The following CTNNA3 variants were observed in gnomAD, a reference collection of about 807,000 sequenced individuals.
The protein encoded by CTNNA3 is catenin alpha 3.
A neutral mutation model predicts 95.7 loss-of-function variants in CTNNA3; 76 were observed. The observed-to-expected ratio is 0.79, with a 90% CI of 0.66 to 0.96. The LOEUF (loss-of-function observed/expected upper bound fraction) is 0.96. CTNNA3 is among the 40% of genes least tolerant of loss of function. CTNNA3 has a pLI of 0.00. For synonymous variants in CTNNA3, 431 were observed against 374.4 expected, an observed-to-expected ratio of 1.15 and a Z score of -1.74; for missense variants, 1,191 against 1,089.8, an observed-to-expected ratio of 1.09 and a Z score of -1.31.
intron 13 of CTNNA3, among the ~76,000 whole-genome samples, chr10:66,177,130 C>G (rs1386949563): frequency 6.6e-6 from 1 of 152,026 alleles, no homozygotes; most frequent in Non-Finnish European, 1.5e-5. Context: ...CTGCTGAAAA[C>G]CTGAATGTTT....
intron 17 of CTNNA3, among the ~76,000 whole-genome samples, chr10:65,940,242 G>T (rs1201982513): frequency 6.6e-6 from 1 of 152,152 alleles, no homozygotes; most frequent in African/African-American, 2.4e-5. Flanking sequence ...TAAGCCACAA[G>T]AAATTTTAAA....
At chr10:66,113,881 C>T (rs1249770157) in intron 13 of CTNNA3, among the ~76,000 whole-genome samples, 2 of 152,056 alleles carry the variant, frequency 1.3e-5, no homozygotes, top group Non-Finnish European at 2.9e-5. Flanking sequence ...ACAGCAATTG[C>T]TGATGCCATT....
intron 7 of CTNNA3, among the ~76,000 whole-genome samples, chr10:66,870,998 C>T (rs960013537): frequency 1.3e-5 from 2 of 152,154 alleles, no homozygotes; most frequent in South Asian, 2.1e-4. Flanking sequence ...CTGACTTCTA[C>T]ATTTCAATAA....
rs78185749 is a variant in CTNNA3 at position 67,490,109 on chromosome 10, A to C, written c.579+31733T>G. 5.5e-4 allele frequency among the ~76,000 whole-genome samples: 84 copies of C among 152,276 alleles called. No individual in the cohort carries two copies. In the East Asian group the frequency reaches 0.015, roughly 28 times the overall value. ...TTCCATTGCCCATGTTCTAATCTGA[A>C]TTCATCCAAGAGTGAAACTGATGCG... On this transcript the variant is annotated intron_variant, in intron 5 of 17. Transcript: ENST00000433211.
At chr10:67,717,791 G>A (rs552381743) in intron 1 of CTNNA3, among the ~76,000 whole-genome samples, 64 of 152,248 alleles carry the variant, frequency 4.2e-4, no homozygotes, top group African/African-American at 1.5e-3. Context: ...GGATTGTCTA[G>A]GCTATACGGG....
intron 7 of CTNNA3, among the ~76,000 whole-genome samples, chr10:66,830,849 T>C (rs1044178193): frequency 1.8e-4 from 27 of 152,152 alleles, no homozygotes; most frequent in African/African-American, 5.8e-4. Flanking sequence ...GACCTCGTGA[T>C]CCGCCTGCCT....
At chr10:66,673,239 C>A (rs1302048387) in intron 9 of CTNNA3, among the ~76,000 whole-genome samples, 1 of 152,018 alleles carries the variant, frequency 6.6e-6, no homozygotes, top group African/African-American at 2.4e-5. Flanking sequence ...TTGCATACCA[C>A]CTTTGTTTAT....
intron 13 of CTNNA3, among the ~76,000 whole-genome samples, chr10:66,114,417 T>C (rs2082238729): frequency 6.6e-6 from 1 of 151,632 alleles, no homozygotes; most frequent in South Asian, 2.1e-4. Flanking sequence ...TATGTATATT[T>C]GTGTATATTC....
chr10:66,888,525 T>C (rs1380992830), intron 7 of CTNNA3, among the ~76,000 whole-genome samples: 1 of 150,994 alleles, frequency 6.6e-6, no homozygotes, highest in African/African-American at 2.4e-5. Flanking sequence ...CATGCAGGCC[T>C]TTCAGGTCAT....
chr10:67,654,211 G>T (rs189878056), intron 1 of CTNNA3, among the ~76,000 whole-genome samples: 1 of 152,282 alleles, frequency 6.6e-6, no homozygotes, highest in East Asian at 1.9e-4. Context: ...TGCCTTCTGG[G>T]TTATTTGAAG....
chr10:66,158,072 A>G lies in CTNNA3; in HGVS notation c.1885-54823T>C, dbSNP rs538928087. On this transcript the variant is annotated intron_variant, in intron 13 of 17. Transcript: ENST00000433211. ...AGATTCTGTATATTAGTCCTTTGTCAGATGTACAGATTGTGAAGATTTTCT... is the reference window on the plus strand; with the variant it reads ...AGATTCTGTATATTAGTCCTTTGTCGGATGTACAGATTGTGAAGATTTTCT... Among the ~76,000 whole-genome samples the G allele has an allele frequency of 1.7e-4, 26 of 152,086 alleles. No homozygotes were observed. In the South Asian group the frequency reaches 5.0e-3, roughly 29 times the overall value.
rs1214850789 is a variant in CTNNA3 at position 66,766,272 on chromosome 10, G to A, written c.1273C>T (p.Leu425Phe). 1.9e-6 allele frequency: 3 copies of A among 1,613,428 alleles called. No individual in the cohort carries two copies. The African/African-American group carries it at 4.0e-5, about 22-fold the overall frequency. Reference protein sequence around the residue: ...AAIFHEHTSRLVEVANLACSM... With the variant: ...AAIFHEHTSRFVEVANLACSM... ...AGTTCTAGCATGCTTACCTCTACAA[G>A]CCTGCTGGTGTGTTCATGAAATATC... is the stretch of plus-strand genomic sequence containing the variant. Residue 425 changes from leucine (L) to phenylalanine (F), a missense_variant, in exon 9 of 18, where the codon CTT (leucine) becomes TTT (phenylalanine). By Grantham distance (22) the Leu-to-Phe change is conservative. Coordinates refer to ENST00000433211, the MANE Select transcript of CTNNA3 (RefSeq NM_013266.4).
In CTNNA3 at chr10:67,606,922, ATCTTCTCTCC is replaced by A; in HGVS notation, c.217_226del (p.Gly73LeufsTer8). 1 of 1,614,164 alleles carries A rather than the reference ATCTTCTCTCC, an allele frequency of 6.2e-7. No individual in the cohort carries two copies. The highest frequency in any genetic ancestry group is 8.5e-7 in the Non-Finnish European group (1 of 1,179,996). On this transcript the variant is annotated frameshift_variant, in exon 3 of 18. Transcript: ENST00000433211. LOFTEE classifies it high-confidence loss of function. ...CTTTAAAACTGTAGCTTCCTGGGCA[ATCTTCTCTCC>A]CTTGTCTAATAAATTCCAAGTTGCT...
At chr10:67,232,385 C>G (rs572208923) in intron 5 of CTNNA3, among the ~76,000 whole-genome samples, 23 of 152,038 alleles carry the variant, frequency 1.5e-4, no homozygotes, top group Admixed American at 1.1e-3. Context: ...GAATTTTCAA[C>G]CCAGAATTTC....
chr10:67,524,103 T>C (rs139738383), intron 4 of CTNNA3, among the ~76,000 whole-genome samples: 1 of 152,226 alleles, frequency 6.6e-6, no homozygotes, highest in African/African-American at 2.4e-5. Flanking sequence ...CAAACACACT[T>C]GTAAAGAGTG....
chr10:67,264,628 A>C (rs551817423), intron 5 of CTNNA3, among the ~76,000 whole-genome samples: 2 of 152,302 alleles, frequency 1.3e-5, no homozygotes, highest in South Asian at 2.1e-4. Flanking sequence ...TCTATTCTGC[A>C]AATTTTAGAT....
intron 12 of CTNNA3, among the ~76,000 whole-genome samples, chr10:66,342,585 C>T (rs1405363040): frequency 1.3e-5 from 2 of 151,976 alleles, no homozygotes; most frequent in South Asian, 2.1e-4. Flanking sequence ...ATATCAATTG[C>T]TTACTATTAT....
chr10:66,677,515 T>C (rs1846903327), intron 9 of CTNNA3, among the ~76,000 whole-genome samples: 1 of 152,100 alleles, frequency 6.6e-6, no homozygotes, highest in Non-Finnish European at 1.5e-5. Flanking sequence ...GTAGCACCCA[T>C]AATTCCCACA....
intron 13 of CTNNA3, among the ~76,000 whole-genome samples, chr10:66,138,005 A>G (rs886795227): frequency 6.6e-6 from 1 of 151,848 alleles, no homozygotes; most frequent in African/African-American, 2.4e-5. Context: ...AATGATATAT[A>G]TCTATATAGA....
Sources: allele counts gnomAD v4.1 joint callset (sites outside exome capture counted in the v4.1 genomes callset), GRCh38; gene constraint gnomAD v4.1.1; transcripts MANE v1.5; gene names NCBI Gene and HGNC (gene_info 2026-07-23, HGNC 2026-07-21).